The following DACH2 variants were observed in gnomAD, a reference collection of about 807,000 sequenced individuals.
DACH2 encodes the protein dachshund family transcription factor 2, also known as dachshund homolog 2.
A neutral mutation model predicts 35.8 loss-of-function variants in DACH2; 17 were observed. The observed-to-expected ratio is 0.48, with a 90% CI of 0.33 to 0.71. The LOEUF (loss-of-function observed/expected upper bound fraction) is 0.71, where lower values mean the gene tolerates loss of function less well. DACH2 is among the 30% of genes least tolerant of loss of function. The pLI, the probability that DACH2 is intolerant of heterozygous loss-of-function variation, is 0.02. For missense variants in DACH2, 469 were observed against 472.7 expected (o/e 0.99, Z 0.07); for synonymous variants, 195 against 177.3 (o/e 1.10, Z -0.79).
intron 1 of DACH2, among the ~76,000 whole-genome samples, chrX:86,205,181 A>G (rs1030542011): frequency 9.0e-6 from 1 of 111,379 alleles, no homozygotes; most frequent in African/African-American, 3.3e-5. Context: ...TTTTATGGGT[A>G]AGGAAACTGA....
At chrX:86,452,770 T>A (rs1167373644) in intron 2 of DACH2, among the ~76,000 whole-genome samples, 1 of 110,956 alleles carries the variant, frequency 9.0e-6, no homozygotes, top group African/African-American at 3.3e-5. Context: ...AAAATCAGCT[T>A]CTAGATTCAT....
intron 2 of DACH2, among the ~76,000 whole-genome samples, chrX:86,385,494 C>A: frequency 9.0e-6 from 1 of 111,377 alleles, no homozygotes; most frequent in Non-Finnish European, 1.9e-5. Context: ...CAGTATACAA[C>A]AATTTACATA....
intron 3 of DACH2, among the ~76,000 whole-genome samples, chrX:86,600,721 C>T (rs1282030422): frequency 9.0e-6 from 1 of 111,527 alleles, no homozygotes; most frequent in Non-Finnish European, 1.9e-5. Flanking sequence ...CTTTTATTGG[C>T]TCATTGTCCT....
intron 2 of DACH2, among the ~76,000 whole-genome samples, chrX:86,474,441 T>C (rs1054646168): frequency 8.9e-6 from 1 of 112,033 alleles, no homozygotes; most frequent in African/African-American, 3.2e-5. Context: ...CAGATCAATG[T>C]CCTGAAGAAG....
At chrX:86,394,382 T>A (rs2036249773) in intron 2 of DACH2, among the ~76,000 whole-genome samples, 1 of 111,589 alleles carries the variant, frequency 9.0e-6, no homozygotes, top group South Asian at 3.7e-4. Flanking sequence ...TCAGTATTAA[T>A]GCTCCTAGTA....
chrX:86,291,539 C>T (rs2034294381), intron 1 of DACH2, among the ~76,000 whole-genome samples: 1 of 107,633 alleles, frequency 9.3e-6, no homozygotes, highest in Admixed American at 1.0e-4. Flanking sequence ...TTTGCCCATT[C>T]AGTATGATAT....
chrX:86,328,981 A>G (rs909774364), intron 1 of DACH2, among the ~76,000 whole-genome samples: 4 of 111,512 alleles, frequency 3.6e-5, no homozygotes, highest in Non-Finnish European at 7.5e-5. Flanking sequence ...GTGTTGTTGA[A>G]AACTCCTGAA....
chrX:86,703,604 T>TTATGGG (rs1569470302), intron 5 of DACH2, among the ~76,000 whole-genome samples: 2 of 111,580 alleles, frequency 1.8e-5, no homozygotes, highest in African/African-American at 6.5e-5. Flanking sequence ...TACAAAAAAA[T>TTATGGG]TGTAGCATTT....
chrX:86,731,896 A>G lies in DACH2; in HGVS notation c.1105-7851A>G, dbSNP rs190282797. Among the ~76,000 whole-genome samples the G allele has an allele frequency of 5.3e-5, 6 of 112,261 alleles. No individual in the cohort carries two copies. The Admixed American group carries it at 5.7e-4, about 11-fold the overall frequency. ...CCTTCATGGATTTAAATAATTAACA[A>G]TGCATCTTAGATGCATAGGATATAT... On this transcript the variant is annotated intron_variant, in intron 6 of 11. Transcript: ENST00000373125.
chrX:86,725,275 G>A (rs2041453625), intron 6 of DACH2, among the ~76,000 whole-genome samples: 1 of 111,301 alleles, frequency 9.0e-6, no homozygotes, highest in Admixed American at 9.6e-5. Context: ...TGGTGTAACA[G>A]TAGCTTTTTC....
chrX:86,225,301 C>T (rs1260314430), intron 1 of DACH2, among the ~76,000 whole-genome samples: 1 of 111,303 alleles, frequency 9.0e-6, no homozygotes, highest in East Asian at 2.8e-4. Flanking sequence ...TCATTCTCTA[C>T]CATTACCACA....
chrX:86,527,876 C>A (rs2038656725), intron 3 of DACH2, among the ~76,000 whole-genome samples: 1 of 112,060 alleles, frequency 8.9e-6, no homozygotes, highest in Non-Finnish European at 1.9e-5. Flanking sequence ...ATATTTTCAA[C>A]AATATATCCC....
At chrX:86,630,466 G>A (rs1044044075) in intron 3 of DACH2, among the ~76,000 whole-genome samples, 6 of 109,720 alleles carry the variant, frequency 5.5e-5, no homozygotes, top group African/African-American at 2.0e-4. Flanking sequence ...CATATGATAA[G>A]TGCTAGGTAA....
rs191407633 is a variant in DACH2 at position 86,556,457 on chromosome X, C to T, written c.640+42066C>T. Among the ~76,000 whole-genome samples the T allele has an allele frequency of 4.5e-4, 49 of 109,931 alleles. No homozygotes were observed. The East Asian group carries it at 0.013, about 28-fold the overall frequency. ...TAACTGGCTTTTCAAAGATTGGGTT[C>T]TTAAATACTAGGCCACATTACTTTT... On this transcript the variant is annotated intron_variant, in intron 3 of 11. Transcript: ENST00000373125.
At chrX:86,710,328 C>T (rs1369822512) in intron 5 of DACH2, among the ~76,000 whole-genome samples, 1 of 111,676 alleles carries the variant, frequency 9.0e-6, no homozygotes, top group Non-Finnish European at 1.9e-5. Flanking sequence ...TCTATACAGC[C>T]TAAAAAGACC....
chrX:86,290,763 T>C (rs1465653543), intron 1 of DACH2, among the ~76,000 whole-genome samples: 1 of 95,741 alleles, frequency 1.0e-5, no homozygotes, highest in Non-Finnish European at 2.0e-5. Flanking sequence ...GAGGGCTCTG[T>C]TCTGTTCCAT....
At chrX:86,206,129 C>A (rs2032304855) in intron 1 of DACH2, among the ~76,000 whole-genome samples, 1 of 111,288 alleles carries the variant, frequency 9.0e-6, no homozygotes, top group African/African-American at 3.3e-5. Flanking sequence ...AAGAACCAAA[C>A]CCTGATCAGT....
At chrX:86,785,410 C>T (rs767109400) in intron 7 of DACH2, among the ~76,000 whole-genome samples, 17 of 111,602 alleles carry the variant, frequency 1.5e-4, no homozygotes, top group African/African-American at 4.9e-4. Flanking sequence ...TCAGACATTC[C>T]AATGTAGGCT....
In DACH2 at chrX:86,149,128, G is replaced by A; in HGVS notation, c.488+20G>A. The stretch of plus-strand genomic sequence containing the variant: ...TGCCAGGTGAGACACTCGTTTCTTG[G>A]CTCTCCCACTTCTCTTACCCCTTTG... On this transcript the variant is annotated intron_variant, in intron 1 of 11. Coordinates refer to ENST00000373125, the MANE Select transcript of DACH2 (RefSeq NM_053281.3). 1 of 1,163,430 alleles carries A rather than the reference G, an allele frequency of 8.6e-7. No individual in the cohort carries two copies. Among genetic ancestry groups the A allele is most frequent in the South Asian group, 2.0e-5 (1 of 49,043 alleles).
Sources: gnomAD v4.1 joint callset for allele counts (sites outside exome capture counted in the v4.1 genomes callset) on GRCh38, gnomAD v4.1.1 for gene constraint, MANE v1.5 for transcripts, NCBI Gene and HGNC (gene_info 2026-07-23, HGNC 2026-07-21) for gene names.